HTR2A: variants seen among roughly 807,000 people sequenced by gnomAD.
HTR2A encodes the protein 5-HT2 receptor.
HTR2A carries 14 observed loss-of-function variants against 31.0 expected under a neutral mutation model. The observed-to-expected ratio is 0.45, with a 90% CI of 0.30 to 0.71. The LOEUF is 0.71. Ranked by LOEUF, HTR2A falls within the 30% of genes least tolerant of loss-of-function variation. The pLI is 0.09. For synonymous variants in HTR2A, 209 were observed against 225.2 expected, an observed-to-expected ratio of 0.93 and a Z score of 0.64; for missense variants, 442 against 573.3, an observed-to-expected ratio of 0.77 and a Z score of 2.34.
intron 3 of HTR2A, among the ~76,000 whole-genome samples, chr13:46,839,630 G>A (rs1185219862): frequency 6.6e-6 from 1 of 152,118 alleles, no homozygotes; most frequent in Non-Finnish European, 1.5e-5. Context: ...TCTGCATTTT[G>A]TTTAATATAT....
chr13:46,837,139 C>G (rs1950568477), intron 3 of HTR2A, among the ~76,000 whole-genome samples: 2 of 152,044 alleles, frequency 1.3e-5, no homozygotes, highest in South Asian at 4.2e-4. Context: ...TAAAGGCAAC[C>G]CCTGGCCTCT....
chr13:46,871,301 T>C (rs972720661), intron 3 of HTR2A, among the ~76,000 whole-genome samples: 1 of 152,222 alleles, frequency 6.6e-6, no homozygotes, highest in Non-Finnish European at 1.5e-5. Flanking sequence ...AGTTTTGACC[T>C]GAAAAAGTGA....
chr13:46,881,704 T>A (rs1950964932), intron 3 of HTR2A, among the ~76,000 whole-genome samples: 2 of 152,164 alleles, frequency 1.3e-5, no homozygotes, highest in Non-Finnish European at 2.9e-5. Flanking sequence ...GACATGTACT[T>A]CTTAGGCTGA....
chr13:46,888,336 G>C (rs1485532602), intron 3 of HTR2A, among the ~76,000 whole-genome samples: 1 of 152,032 alleles, frequency 6.6e-6, no homozygotes, highest in Non-Finnish European at 1.5e-5. Flanking sequence ...CTAAAATAGA[G>C]ACAAAACATT....
chr13:46,896,922 C>A lies in HTR2A; in HGVS notation c.-577G>T. ...TGGGTTCCTCCCTCCCTGTGCGGCT[C>A]GCCTCAGCAGGCACACATTTAGAAA... On this transcript the variant is annotated 5_prime_UTR_variant, in exon 1 of 4. Transcript: ENST00000542664. 4.6e-6 allele frequency: 5 copies of A among 1,095,212 alleles called. No homozygotes were observed. In the South Asian group the frequency reaches 5.7e-5, roughly 13 times the overall value. The allele number at this position is 1,095,212 out of a possible 1,614,324, so 67.8% of individuals were successfully genotyped here. A position where few individuals can be genotyped will look rare whatever the true frequency, so the allele number is the denominator to read the frequency against.
intron 2 of HTR2A, among the ~76,000 whole-genome samples, chr13:46,894,105 C>T (rs915191271): frequency 6.6e-6 from 1 of 152,208 alleles, no homozygotes; most frequent in Non-Finnish European, 1.5e-5. Context: ...GTTTCTGATG[C>T]GGGATAAGGA....
intron 3 of HTR2A, among the ~76,000 whole-genome samples, chr13:46,841,093 A>G (rs1950594085): frequency 6.6e-6 from 1 of 152,154 alleles, no homozygotes; most frequent in South Asian, 2.1e-4. Context: ...ACCTGCCACC[A>G]TGTAAGATGC....
At chr13:46,856,465 T>C (rs1231433397) in intron 3 of HTR2A, among the ~76,000 whole-genome samples, 1 of 152,154 alleles carries the variant, frequency 6.6e-6, no homozygotes, top group African/African-American at 2.4e-5. Flanking sequence ...TTTAAATGAA[T>C]GTGAGGCTTG....
intron 3 of HTR2A, among the ~76,000 whole-genome samples, chr13:46,875,475 A>C (rs1169667082): frequency 6.6e-6 from 1 of 152,186 alleles, no homozygotes; most frequent in Non-Finnish European, 1.5e-5. Flanking sequence ...AACTCATGAA[A>C]TCAGTTATTA....
At position 46,896,902 on chromosome 13, in the gene HTR2A, TCCTC is replaced by T; in HGVS notation, c.-561_-558del. 1 of 1,362,716 alleles carries T rather than the reference TCCTC, an allele frequency of 7.3e-7. No homozygotes were observed. 84.4% of individuals were successfully genotyped at this position (1,362,716 alleles called of 1,614,324 possible). On this transcript the variant is annotated 5_prime_UTR_variant, in exon 1 of 4. The change creates a premature stop within an existing upstream ORF in the 5' untranslated region. Transcript: ENST00000542664. ...TTCCTCTGGCACGGCTCGGCTGGGT[TCCTC>T]CCTCCCTGTGCGGCTCGCCTCAGCA...
chr13:46,848,987 T>C (rs559230235), intron 3 of HTR2A, among the ~76,000 whole-genome samples: 414 of 152,264 alleles, frequency 2.7e-3, no homozygotes, highest in African/African-American at 9.6e-3. Context: ...AGCATTGTCA[T>C]AATAAGTAAT....
intron 3 of HTR2A, among the ~76,000 whole-genome samples, chr13:46,860,244 T>C (rs966096460): frequency 6.6e-6 from 1 of 152,206 alleles, no homozygotes; most frequent in Non-Finnish European, 1.5e-5. Flanking sequence ...TGCCTAGACT[T>C]CTAATCCAAA....
intron 3 of HTR2A, among the ~76,000 whole-genome samples, chr13:46,889,190 TTAACG>T (rs1323111260): frequency 5.9e-5 from 9 of 151,870 alleles, no homozygotes; most frequent in African/African-American, 2.2e-4. Context: ...CAAAAGAAAA[TTAACG>T]TAGCTATACT....
intron 3 of HTR2A, among the ~76,000 whole-genome samples, chr13:46,871,673 C>T (rs1021865262): frequency 4.6e-5 from 7 of 151,984 alleles, no homozygotes; most frequent in Admixed American, 1.3e-4. Flanking sequence ...TTGCAGATAA[C>T]GCTGCATGCA....
intron 3 of HTR2A, among the ~76,000 whole-genome samples, chr13:46,836,678 C>G (rs188231211): frequency 3.2e-4 from 48 of 152,292 alleles, no homozygotes; most frequent in Admixed American, 7.9e-4. Flanking sequence ...CAAGCCCAAT[C>G]TTGTTTCATC....
intron 3 of HTR2A, among the ~76,000 whole-genome samples, chr13:46,871,213 TTATCAGTGCAACC>T (rs1950861602): frequency 6.6e-6 from 1 of 152,238 alleles, no homozygotes; most frequent in South Asian, 2.1e-4. Flanking sequence ...TTACTTCAAC[TTATCAGTGCAACC>T]TGATTCAGAT....
At chr13:46,876,927 T>G (rs1043029435) in intron 3 of HTR2A, among the ~76,000 whole-genome samples, 4 of 152,136 alleles carry the variant, frequency 2.6e-5, no homozygotes, top group African/African-American at 9.7e-5. Context: ...GGTGAATGGA[T>G]CCAGGAAAAT....
chr13:46,855,926 T>C (rs534860787), intron 3 of HTR2A, among the ~76,000 whole-genome samples: 1 of 152,292 alleles, frequency 6.6e-6, no homozygotes, highest in Non-Finnish European at 1.5e-5. Context: ...ATGGTCTTTC[T>C]CCTCTGGCTA....
At position 46,832,099 on chromosome 13, in the gene HTR2A, T is replaced by C. The variant is rs1299872599; in HGVS notation, c.*2738A>G. ...ATCAAGAAACTATATATGTGGACCATTGTTTTCGCCATCCTCATAGACTTG... is the reference window on the plus strand; with the variant it reads ...ATCAAGAAACTATATATGTGGACCACTGTTTTCGCCATCCTCATAGACTTG... On this transcript the variant is annotated 3_prime_UTR_variant, in exon 4 of 4. Transcript: ENST00000542664. The C allele has an allele frequency of 1.3e-5, 2 of 152,228 alleles. No individual in the cohort carries two copies. Among genetic ancestry groups the C allele is most frequent in the Admixed American group, 6.5e-5 (1 of 15,286 alleles). The allele number at this position is 152,228 out of a possible 1,614,324, so 9.4% of individuals were successfully genotyped here. A position where few individuals can be genotyped will look rare whatever the true frequency, so the allele number is the denominator to read the frequency against.
Sources: gnomAD v4.1 joint callset for allele counts (sites outside exome capture counted in the v4.1 genomes callset) on GRCh38, gnomAD v4.1.1 for gene constraint, MANE v1.5 for transcripts, NCBI Gene and HGNC (gene_info 2026-07-23, HGNC 2026-07-21) for gene names.